ZNF395: variants seen among roughly 807,000 people sequenced by gnomAD.
ZNF395 encodes the protein HD gene regulatory region-binding protein 2.
In ZNF395, 20 loss-of-function variants were observed where a neutral mutation model predicts 57.7. That is an observed-to-expected ratio of 0.35 (90% CI 0.24 to 0.50). ZNF395 has a LOEUF of 0.50. Among genes scored for constraint, ZNF395 ranks in the 20% least tolerant of loss-of-function variants. The pLI, the probability that ZNF395 is intolerant of heterozygous loss-of-function variation, is 0.97. For missense variants in ZNF395, 606 were observed against 671.2 expected (o/e 0.90, Z 1.07); for synonymous variants, 295 against 275.9 (o/e 1.07, Z -0.69).
intron 1 of ZNF395, chr8:28,368,676 A>G (rs1239125546): frequency 6.6e-6 from 1 of 152,008 alleles, no homozygotes; most frequent in Non-Finnish European, 1.5e-5. Context: ...ATTAAAAAAA[A>G]AAAAAAAAGC....
rs1324186227 is a variant in ZNF395, at chr8:28,359,747, G to C, written c.318C>G (p.Val106=). ...CCTGCAGCTTCTGCTCCAGCAGCCA[G>C]ACGGTCACCTGACCCTCCATCCAGC... is the stretch of plus-strand genomic sequence containing the variant. ...QHSWMEGQVT[V]WLLEQKLQVC... is the part of the protein sequence containing the mutation. Residue 106 remains valine, a synonymous_variant, in exon 3 of 10, where the codon GTC becomes GTG. Coordinates refer to ENST00000344423, the MANE Select transcript of ZNF395 (RefSeq NM_018660.3). The surrounding 1 kb of genome is among the most constrained non-coding windows in gnomAD (Gnocchi z 4.7). 1 of 1,614,134 alleles carries C rather than the reference G, an allele frequency of 6.2e-7. No homozygotes were observed. Among genetic ancestry groups the C allele is most frequent in the South Asian group, 1.1e-5 (1 of 91,084 alleles).
rs1489868238 is a variant in ZNF395 at position 28,362,048 on chromosome 8, C to G, written c.-58-866G>C. Among the ~76,000 whole-genome samples the G allele has an allele frequency of 5.3e-5, 8 of 150,306 alleles. No homozygotes were observed. The South Asian group carries it at 1.7e-3, about 31-fold the overall frequency. On this transcript the variant is annotated intron_variant, in intron 1 of 9. Transcript: ENST00000344423. ...GGGAGGCTGCAGTGAGCCAAAATCA[C>G]ACCACTGCACTCCAGCCTGGACAAC...
At position 28,348,802 on chromosome 8, in the gene ZNF395, G is replaced by A. The variant is rs1033788127; in HGVS notation, c.1459C>T (p.Arg487Cys). The part of the protein sequence containing the change: ...RKARGEAKKC[R>C]KVYGIEHRDQ... ...CGGTGCTCGATGCCATACACCTTGC[G>A]GCACTTCTTAGCCTCCCCTCGGGCT... The change falls in exon 10 of 10, where the codon CGC becomes TGC. Residue 487 changes from arginine to cysteine, a missense_variant. Around this residue, in one of 3 missense-constraint regions of ZNF395, gnomAD observed 36 missense variants for 56.2 expected, o/e 0.64. Transcript: ENST00000344423. 4.3e-6 allele frequency: 7 copies of A among 1,613,944 alleles called. No homozygotes were observed. The highest frequency in any genetic ancestry group is 2.7e-5 in the African/African-American group (2 of 74,910).
At chr8:28,381,202 C>T (rs926968548) in intron 1 of ZNF395, among the ~76,000 whole-genome samples, 8 of 152,078 alleles carry the variant, frequency 5.3e-5, no homozygotes, top group Admixed American at 1.3e-4. Context: ...CCACCACGCC[C>T]GGCTAATTTT....
intron 2 of ZNF395, 77 bp downstream of exon 2, chr8:28,360,808 C>A: frequency 1.3e-6 from 2 of 1,557,602 alleles, no homozygotes; most frequent in South Asian, 1.2e-5. Context: ...GAGTTTCCGG[C>A]CTGTCACTAG....
rs376293921 is a variant in ZNF395, at chr8:28,356,769, C to T, written c.484G>A (p.Ala162Thr). ...NIDVPKRKSD[A>T]VEMDEMMAAM... Reference sequence around the variant, plus strand: ...GCCATCATCTCATCCATTTCCACTGCGTCCGACTTCCTGGATTCACACGGA... The same window carrying T: ...GCCATCATCTCATCCATTTCCACTGTGTCCGACTTCCTGGATTCACACGGA... The change falls in exon 4 of 10, where the codon GCA becomes ACA. Residue 162 changes from alanine (A) to threonine (T), a missense_variant. By Grantham distance (58) the Ala-to-Thr change is moderately conservative. Around this residue, in one of 3 missense-constraint regions of ZNF395, gnomAD observed 309 missense variants for 374.7 expected, o/e 0.82. Coordinates refer to ENST00000344423, the MANE Select transcript of ZNF395 (RefSeq NM_018660.3). The surrounding 1 kb of genome is among the most constrained non-coding windows in gnomAD (Gnocchi z 4.0). 133 of 1,613,814 alleles carry T rather than the reference C, an allele frequency of 8.2e-5. No individual in the cohort carries two copies. The highest frequency in any genetic ancestry group is 8.3e-5 in the Admixed American group (5 of 59,976).
chr8:28,349,912 G>T, intron 8 of ZNF395, 152 bp downstream of exon 8: 1 of 645,420 alleles, frequency 1.5e-6, no homozygotes, highest in Non-Finnish European at 2.5e-6. Context: ...GGCAGCACAA[G>T]GACATCTTCA....
At chr8:28,361,917 C>A (rs1377249192) in intron 1 of ZNF395, among the ~76,000 whole-genome samples, 1 of 151,912 alleles carries the variant, frequency 6.6e-6, no homozygotes, top group East Asian at 1.9e-4. Flanking sequence ...CGTCATGAAA[C>A]CCTGTCTCTA....
At position 28,351,424 on chromosome 8, in the gene ZNF395, T is replaced by TA. The variant is rs147976808; in HGVS notation, c.1233+70dup. The TA allele has an allele frequency of 5.6e-5, 83 of 1,489,136 alleles. No homozygotes were observed. The Middle Eastern group carries it at 7.5e-4, about 13-fold the overall frequency. The allele number at this position is 1,489,136 out of a possible 1,614,324, so 92.2% of individuals were successfully genotyped here. On this transcript the variant is annotated intron_variant, in intron 7 of 9. Coordinates refer to ENST00000344423, the MANE Select transcript of ZNF395 (RefSeq NM_018660.3). Reference sequence around the variant, plus strand: ...CTCAGCCTTCCATCAGGGTGGTCGGTAGCCTGTAATCAAGCTGGCCCGTGA... The same window carrying TA: ...CTCAGCCTTCCATCAGGGTGGTCGGTAAGCCTGTAATCAAGCTGGCCCGTGA...
At chr8:28,382,666 A>T (rs547940028) in intron 1 of ZNF395, among the ~76,000 whole-genome samples, 1 of 152,110 alleles carries the variant, frequency 6.6e-6, no homozygotes, top group Non-Finnish European at 1.5e-5. Flanking sequence ...CTCCTTAATC[A>T]AGGTGTCTCT....
chr8:28,383,216 ACT>A (rs1802131302), intron 1 of ZNF395, among the ~76,000 whole-genome samples: 1 of 152,142 alleles, frequency 6.6e-6, no homozygotes, highest in East Asian at 1.9e-4. Flanking sequence ...TCATTCCACA[ACT>A]TTTTGCAATC....
At position 28,359,738 on chromosome 8, in the gene ZNF395, C is replaced by A. The variant is rs140777249; in HGVS notation, c.327G>T (p.Leu109=). 2.3e-5 allele frequency: 37 copies of A among 1,614,032 alleles called. No homozygotes were observed. Among genetic ancestry groups the A allele is most frequent in the Non-Finnish European group, 3.0e-5 (35 of 1,180,050 alleles). ...TGCAGCAGACCTGCAGCTTCTGCTC[C>A]AGCAGCCAGACGGTCACCTGACCCT... is the stretch of plus-strand genomic sequence containing the variant. ...WMEGQVTVWL[L]EQKLQVCCRV... is the part of the protein sequence containing the mutation. The change falls in exon 3 of 10, where the codon CTG becomes CTT. Residue 109 remains leucine, a synonymous_variant. Coordinates refer to ENST00000344423, the MANE Select transcript of ZNF395 (RefSeq NM_018660.3). The surrounding 1 kb of genome is among the most constrained non-coding windows in gnomAD (Gnocchi z 4.7).
chr8:28,349,019 C>T, intron 9 of ZNF395, 106 bp downstream of exon 9: 1 of 1,257,498 alleles, frequency 8.0e-7, no homozygotes, highest in Non-Finnish European at 1.1e-6. Context: ...CTGGGCTCCT[C>T]TCTGGGGACT....
chr8:28,349,224 C>A lies in ZNF395; in HGVS notation c.1331G>T (p.Arg444Leu), dbSNP rs139105230. The part of the protein sequence containing the change: ...PSAACSLSPV[R>L]SRSLSFSEPQ... The stretch of plus-strand genomic sequence containing the variant: ...CTCGCTGAAGCTTAGCGACCGGCTC[C>A]GGACCTGGGCGTGGGGAGAGGGGCT... The change falls in exon 9 of 10, where the codon CGG becomes CTG. Residue 444 changes from arginine to leucine, a missense_variant. Transcript: ENST00000344423. 1.0e-5 allele frequency: 16 copies of A among 1,539,694 alleles called. 1 individual carries two copies. The East Asian group carries it at 1.4e-4, about 13-fold the overall frequency.
chr8:28,367,544 G>A (rs1027003105), intron 1 of ZNF395, among the ~76,000 whole-genome samples: 1 of 152,172 alleles, frequency 6.6e-6, no homozygotes, highest in South Asian at 2.1e-4. Context: ...TTCTGTTTGC[G>A]CTGCTGGCAG....
At position 28,359,928 on chromosome 8, in the gene ZNF395, C is replaced by A. The variant is rs1414338300; in HGVS notation, c.241-104G>T. ...GGAGCCAGGATCTGCCTGCCACAAACCATGTTCTCTGCCTCACTCATCTTT... is the reference window on the plus strand; with the variant it reads ...GGAGCCAGGATCTGCCTGCCACAAAACATGTTCTCTGCCTCACTCATCTTT... On this transcript the variant is annotated intron_variant, in intron 2 of 9. Transcript: ENST00000344423. The surrounding 1 kb of genome is among the most constrained non-coding windows in gnomAD (Gnocchi z 4.7). The A allele has an allele frequency of 1.4e-5, 21 of 1,481,726 alleles. No individual in the cohort carries two copies. Among genetic ancestry groups the A allele is most frequent in the Non-Finnish European group, 1.9e-5 (21 of 1,109,894 alleles). The allele number at this position is 1,481,726 out of a possible 1,614,324, so 91.8% of individuals were successfully genotyped here. A position where few individuals can be genotyped will look rare whatever the true frequency, so the allele number is the denominator to read the frequency against.
rs374976271 is a variant in ZNF395 at position 28,359,034 on chromosome 8, TGA to T, written c.473+556_473+557del. 5.6e-4 allele frequency among the ~76,000 whole-genome samples: 85 copies of T among 152,262 alleles called. No individual in the cohort carries two copies. In the East Asian group the frequency reaches 0.012, roughly 22 times the overall value. On this transcript the variant is annotated intron_variant, in intron 3 of 9. Transcript: ENST00000344423. The surrounding 1 kb of genome is among the most constrained non-coding windows in gnomAD (Gnocchi z 4.7). ...ACTATGACCTGATTCAGTTTAAGCA[TGA>T]GAGGGGAAAAAATAGCCCTATGCCC...
At position 28,352,175 on chromosome 8, in the gene ZNF395, G is replaced by A. The variant is rs893937600; in HGVS notation, c.921-368C>T. On this transcript the variant is annotated intron_variant, in intron 6 of 9. Transcript: ENST00000344423. The surrounding 1 kb of genome is among the most constrained non-coding windows in gnomAD (Gnocchi z 4.0). ...CCTACCACTAGCAGCCTGCAAACTC[G>A]CTCTGCACAGAACACGGCGGAGGCA... Among the ~76,000 whole-genome samples the A allele has an allele frequency of 1.3e-5, 2 of 152,164 alleles. No homozygotes were observed. Among genetic ancestry groups the A allele is most frequent in the South Asian group, 2.1e-4 (1 of 4,832 alleles).
Position 28,351,779 on chromosome 8 carries a change from G to A in ZNF395, c.949C>T (p.Arg317Trp), listed in dbSNP as rs140900446. Residue 317 changes from arginine to tryptophan, a missense_variant, in exon 7 of 10, where the codon CGG (arginine) becomes TGG (tryptophan). Arg to Trp is a moderately radical substitution (Grantham distance 101). Transcript: ENST00000344423. Reference sequence around the variant, plus strand: ...TCTGTGTAGTAGAAATCCTCCTCCCGCTTGAACTGATCAGAGTCCACTGTG... The same window carrying A: ...TCTGTGTAGTAGAAATCCTCCTCCCACTTGAACTGATCAGAGTCCACTGTG... ...GDTVDSDQFK[R>W]EEDFYYTEVQ... 61 of 1,576,540 alleles carry A rather than the reference G, an allele frequency of 3.9e-5. No homozygotes were observed. The highest frequency in any genetic ancestry group is 3.9e-5 in the Non-Finnish European group (45 of 1,165,860).
Sources: allele counts gnomAD v4.1 joint callset (sites outside exome capture counted in the v4.1 genomes callset), GRCh38; gene constraint gnomAD v4.1.1; regional missense constraint gnomAD v4.1.1; non-coding constraint Gnocchi (gnomAD v3.1); transcripts MANE v1.5; gene names NCBI Gene and HGNC (gene_info 2026-07-23, HGNC 2026-07-21).